Variants in SEPTIN9 observed in about 807,000 individuals in gnomAD.
SEPTIN9 encodes the protein septin-9.
SEPTIN9 carries 13 observed loss-of-function variants against 56.6 expected under a neutral mutation model. That is an observed-to-expected ratio of 0.23 (90% CI 0.15 to 0.37). The LOEUF (loss-of-function observed/expected upper bound fraction) is 0.37. Among genes scored for constraint, SEPTIN9 ranks in the 10% least tolerant of loss-of-function variants. The probability of loss-of-function intolerance (pLI) is 1.00; values close to 1 mark genes in which losing one functional copy is unlikely to be tolerated. For synonymous variants in SEPTIN9, 332 were observed against 334.1 expected, an observed-to-expected ratio of 0.99 and a Z score of 0.07; for missense variants, 650 against 823.1, an observed-to-expected ratio of 0.79 and a Z score of 2.57.
In SEPTIN9 at chr17:77,497,298, C is replaced by A; in HGVS notation, c.1574-17C>A. ...TCTCCACTGGGACATTAAAGCCCCT[C>A]CTGTCTCCTCTCCTAGTTGAAAACA... On this transcript the variant is annotated splice_polypyrimidine_tract_variant and intron_variant, in intron 10 of 11. Coordinates refer to ENST00000427177, the MANE Select transcript of SEPTIN9 (RefSeq NM_001113491.2). The A allele has an allele frequency of 6.2e-7, 1 of 1,612,670 alleles. No homozygotes were observed. Among genetic ancestry groups the A allele is most frequent in the Non-Finnish European group, 8.5e-7 (1 of 1,179,148 alleles).
At chr17:77,284,715 C>G (rs941655236) in intron 1 of SEPTIN9, among the ~76,000 whole-genome samples, 3 of 152,128 alleles carry the variant, frequency 2.0e-5, no homozygotes, top group African/African-American at 7.2e-5. Flanking sequence ...CTGCAACCTC[C>G]GCCTCCCAGG....
At chr17:77,307,003 G>T (rs1283080674) in intron 1 of SEPTIN9, 138 bp from the exon 2 acceptor site, 53 of 846,432 alleles carry the variant, frequency 6.3e-5, no homozygotes, top group Middle Eastern at 2.2e-4. Context: ...TAGGGCCTCT[G>T]TCCCCAGATG....
intron 7 of SEPTIN9, 43 bp downstream of exon 7, chr17:77,488,907 G>C (rs749761572): frequency 8.7e-6 from 14 of 1,608,196 alleles, no homozygotes; most frequent in Non-Finnish European, 1.2e-5. Context: ...GGGTGCCCTG[G>C]GTTCCCTCTG....
intron 2 of SEPTIN9, among the ~76,000 whole-genome samples, chr17:77,311,458 A>G (rs1238197430): frequency 6.6e-6 from 1 of 152,084 alleles, no homozygotes; most frequent in Non-Finnish European, 1.5e-5. Context: ...CTGCCCTCAC[A>G]GGGGACGCCT....
chr17:77,377,059 C>G (rs2034952933), intron 2 of SEPTIN9: 1 of 152,320 alleles, frequency 6.6e-6, no homozygotes, highest in Non-Finnish European at 1.5e-5. Context: ...TCCATGGACT[C>G]AAACTTCCCG....
At chr17:77,320,224 G>C in intron 2 of SEPTIN9, 1 of 1,610,004 alleles carries the variant, frequency 6.2e-7, no homozygotes, top group South Asian at 1.1e-5. Flanking sequence ...AGGAGGAGGA[G>C]GAGGAGGAGG....
chr17:77,417,985 T>C (rs8071024), intron 3 of SEPTIN9, among the ~76,000 whole-genome samples: 56,304 of 152,050 alleles, frequency 0.37, 10,960 homozygotes, highest in African/African-American at 0.41. Context: ...GGCGGCCTCC[T>C]ACCTGCCAGA....
At chr17:77,424,046 C>A (rs768435896) in intron 3 of SEPTIN9, among the ~76,000 whole-genome samples, 1 of 152,230 alleles carries the variant, frequency 6.6e-6, no homozygotes, top group Non-Finnish European at 1.5e-5. Context: ...TTAGGGACAA[C>A]GCAAGGAGGC....
chr17:77,341,204 C>T (rs1006132950), intron 2 of SEPTIN9, among the ~76,000 whole-genome samples: 3 of 152,134 alleles, frequency 2.0e-5, no homozygotes, highest in Non-Finnish European at 4.4e-5. Context: ...ACACGCCTTC[C>T]TCACTCAGCT....
At chr17:77,401,125 TAC>T (rs1466854751) in intron 2 of SEPTIN9, among the ~76,000 whole-genome samples, 1 of 152,156 alleles carries the variant, frequency 6.6e-6, no homozygotes, top group Non-Finnish European at 1.5e-5. Flanking sequence ...CAGCCTGATG[TAC>T]AGTCTGGCTC....
At chr17:77,494,963 C>T (rs1344970078) in intron 10 of SEPTIN9, among the ~76,000 whole-genome samples, 5 of 152,244 alleles carry the variant, frequency 3.3e-5, no homozygotes, top group Admixed American at 6.5e-5. Flanking sequence ...TGGCTTGCCT[C>T]CCCTTGGCCC....
chr17:77,479,864 A>C (rs761291322), intron 3 of SEPTIN9, among the ~76,000 whole-genome samples: 1 of 152,168 alleles, frequency 6.6e-6, no homozygotes, highest in African/African-American at 2.4e-5. Flanking sequence ...ATTTTCGGTC[A>C]CGTGGGTGGG....
In SEPTIN9 at chr17:77,405,309, A is replaced by C. The variant is rs2144114426; in HGVS notation, c.721+2606A>C. ...CCGTGAGCAGGATGGCTGGGACACA[A>C]GGAGTGTCCAGGGAGCTTCCCCAGC... is the stretch of plus-strand genomic sequence containing the variant. On this transcript the variant is annotated intron_variant, in intron 3 of 11. Transcript: ENST00000427177. This position sits in a 1 kb window ranked among gnomAD's most constrained non-coding sequence, Gnocchi z 5.8. Among the ~76,000 whole-genome samples, 1 of 152,286 alleles carries C rather than the reference A, an allele frequency of 6.6e-6. No homozygotes were observed. Among genetic ancestry groups the C allele is most frequent in the East Asian group, 1.9e-4 (1 of 5,178 alleles).
chr17:77,392,239 G>T (rs1187880601), intron 2 of SEPTIN9, among the ~76,000 whole-genome samples: 2 of 152,178 alleles, frequency 1.3e-5, no homozygotes, highest in African/African-American at 4.8e-5. Context: ...CGGAGTGCCT[G>T]GGACTTCTTG....
Position 77,369,434 on chromosome 17 carries a change from G to T in SEPTIN9, c.77-32625G>T, listed in dbSNP as rs1002865004. ...AGACTAGAGGTAGAAACGCACCATGGTTTGGATGCTGAGGGTGAGGGAAAG... is the reference window on the plus strand; with the variant it reads ...AGACTAGAGGTAGAAACGCACCATGTTTTGGATGCTGAGGGTGAGGGAAAG... On this transcript the variant is annotated intron_variant, in intron 2 of 11. Transcript: ENST00000427177. This position sits in a 1 kb window ranked among gnomAD's most constrained non-coding sequence, Gnocchi z 4.9. 6.6e-6 allele frequency among the ~76,000 whole-genome samples: 1 copy of T among 152,152 alleles called. No homozygotes were observed. The highest frequency in any genetic ancestry group is 2.4e-5 in the African/African-American group (1 of 41,426).
At chr17:77,481,987 C>T (rs1598443730) in intron 3 of SEPTIN9, 157 bp from the exon 4 acceptor site, 9 of 673,088 alleles carry the variant, frequency 1.3e-5, no homozygotes, top group African/African-American at 3.6e-5. Flanking sequence ...GACATCCACC[C>T]GGGGGAATTC....
At chr17:77,485,372 G>A (rs1478925932) in intron 4 of SEPTIN9, among the ~76,000 whole-genome samples, 2 of 151,624 alleles carry the variant, frequency 1.3e-5, no homozygotes, top group East Asian at 3.9e-4. Context: ...GGATGGTAGT[G>A]GTGATGTGGT....
chr17:77,464,252 A>C (rs969687896), intron 3 of SEPTIN9, among the ~76,000 whole-genome samples: 1 of 151,762 alleles, frequency 6.6e-6, no homozygotes, highest in Non-Finnish European at 1.5e-5. Context: ...AATTTTTTGT[A>C]TTTTTAGTAG....
rs57929869 is a variant in SEPTIN9, at chr17:77,310,318, A to T, written c.76+3121A>T. ...TGCATACGGTCATCAGCATCGTGTG[A>T]CTGAGCAGCCTAGGTCTGTCTCCTC... On this transcript the variant is annotated intron_variant, in intron 2 of 11. Coordinates refer to ENST00000427177, the MANE Select transcript of SEPTIN9 (RefSeq NM_001113491.2). This position sits in a 1 kb window ranked among gnomAD's most constrained non-coding sequence, Gnocchi z 4.7. Among the ~76,000 whole-genome samples the T allele has an allele frequency of 0.19, 28,638 of 151,950 alleles. 3,265 individuals are homozygous for T. Among genetic ancestry groups the T allele is most frequent in the African/African-American group, 0.32 (13,181 of 41,392 alleles).
Sources: allele counts gnomAD v4.1 joint callset (sites outside exome capture counted in the v4.1 genomes callset), GRCh38; gene constraint gnomAD v4.1.1; non-coding constraint Gnocchi (gnomAD v3.1); transcripts MANE v1.5; gene names NCBI Gene and HGNC (gene_info 2026-07-23, HGNC 2026-07-21).